NAALADL2: variants seen among roughly 807,000 people sequenced by gnomAD.
NAALADL2 encodes the protein inactive N-acetylated-alpha-linked acidic dipeptidase-like protein 2.
A neutral mutation model predicts 87.2 loss-of-function variants in NAALADL2; 76 were observed. That is an observed-to-expected ratio of 0.87 (90% CI 0.72 to 1.05). NAALADL2 has a LOEUF of 1.05. Among genes scored for constraint, NAALADL2 ranks in the 50% least tolerant of loss-of-function variants. NAALADL2 has a pLI of 0.00. For missense variants in NAALADL2, 1,089 were observed against 945.8 expected (o/e 1.15, Z -1.99); for synonymous variants, 354 against 331.0 (o/e 1.07, Z -0.75).
chr3:175,528,546 A>G (rs539116340), intron 9 of NAALADL2, among the ~76,000 whole-genome samples: 2 of 152,018 alleles, frequency 1.3e-5, no homozygotes, highest in African/African-American at 4.8e-5. Context: ...CTTCAATCCA[A>G]TCAAGTTGAC....
At chr3:174,557,949 C>A (rs1713056668) in intron 2 of NAALADL2, among the ~76,000 whole-genome samples, 2 of 152,140 alleles carry the variant, frequency 1.3e-5, no homozygotes. Context: ...GAAATGTTAA[C>A]CAGTGAAACT....
At chr3:175,276,297 ATTTTTTT>A (rs10645974) in intron 4 of NAALADL2, among the ~76,000 whole-genome samples, 4 of 133,570 alleles carry the variant, frequency 3.0e-5, no homozygotes, top group African/African-American at 1.1e-4. Flanking sequence ...CGCTTTGCAA[ATTTTTTT>A]TTTTTTTTTT....
At chr3:175,387,665 A>G (rs377067430) in intron 5 of NAALADL2, among the ~76,000 whole-genome samples, 44 of 152,250 alleles carry the variant, frequency 2.9e-4, no homozygotes, top group African/African-American at 1.1e-3. Context: ...AGATTTGTTG[A>G]ATATACTAAA....
At chr3:175,622,473 A>G (rs1199786908) in intron 10 of NAALADL2, among the ~76,000 whole-genome samples, 1 of 152,068 alleles carries the variant, frequency 6.6e-6, no homozygotes, top group African/African-American at 2.4e-5. Flanking sequence ...TGCAATTTCT[A>G]TAGTGTTCTC....
At chr3:174,682,553 C>T (rs1327724464) in intron 2 of NAALADL2, among the ~76,000 whole-genome samples, 1 of 152,190 alleles carries the variant, frequency 6.6e-6, no homozygotes, top group African/African-American at 2.4e-5. Context: ...CATCTCAGCA[C>T]AGAGAGACTG....
At chr3:175,035,399 G>C (rs1179912011) in intron 1 of NAALADL2, among the ~76,000 whole-genome samples, 1 of 152,096 alleles carries the variant, frequency 6.6e-6, no homozygotes, top group Non-Finnish European at 1.5e-5. Flanking sequence ...AGCAGGTCAG[G>C]GTGCCATCAG....
rs541209696 is a variant in NAALADL2, at chr3:175,723,618, A to G, written c.1897-13688A>G. ...TCTCCAGGTTAATTTATTAGTAATC[A>G]CGGTGTTTCTCTAAAAAAATCTAAT... is the stretch of plus-strand genomic sequence containing the variant. On this transcript the variant is annotated intron_variant, in intron 11 of 13. Coordinates refer to ENST00000454872, the MANE Select transcript of NAALADL2 (RefSeq NM_207015.3). Among the ~76,000 whole-genome samples the G allele has an allele frequency of 1.9e-4, 29 of 152,262 alleles. 1 individual carries two copies. In the South Asian group the frequency reaches 5.8e-3, roughly 31 times the overall value.
intron 10 of NAALADL2, among the ~76,000 whole-genome samples, chr3:175,621,355 G>A (rs1056593236): frequency 6.6e-6 from 1 of 152,208 alleles, no homozygotes; most frequent in African/African-American, 2.4e-5. Context: ...CCTTTGCAAT[G>A]TAATGTTACC....
At chr3:175,413,427 C>T (rs949299304) in intron 5 of NAALADL2, among the ~76,000 whole-genome samples, 3 of 151,016 alleles carry the variant, frequency 2.0e-5, no homozygotes, top group Non-Finnish European at 3.0e-5. Context: ...AAAAATTGGC[C>T]GGGCATGGTA....
At chr3:174,973,627 G>A (rs892516105) in intron 1 of NAALADL2, among the ~76,000 whole-genome samples, 7 of 152,118 alleles carry the variant, frequency 4.6e-5, no homozygotes, top group Non-Finnish European at 7.3e-5. Context: ...AGGCAGTTCC[G>A]TCATTGTGCA....
At chr3:175,531,463 G>A (rs1734078796) in intron 9 of NAALADL2, among the ~76,000 whole-genome samples, 1 of 152,184 alleles carries the variant, frequency 6.6e-6, no homozygotes, top group Non-Finnish European at 1.5e-5. Context: ...TGGTGTGTTT[G>A]CTGCTTCTTG....
At chr3:174,727,396 A>G (rs1341131711) in intron 2 of NAALADL2, among the ~76,000 whole-genome samples, 1 of 151,990 alleles carries the variant, frequency 6.6e-6, no homozygotes, top group Non-Finnish European at 1.5e-5. Context: ...AATTGAACAC[A>G]TATTGCTAAT....
At chr3:175,654,234 T>C (rs1297589199) in intron 11 of NAALADL2, among the ~76,000 whole-genome samples, 1 of 152,192 alleles carries the variant, frequency 6.6e-6, no homozygotes, top group Non-Finnish European at 1.5e-5. Context: ...AGTGTTTTTG[T>C]GGCATTTTCT....
intron 10 of NAALADL2, chr3:175,581,165 G>T (rs62284484): frequency 5.2e-6 from 2 of 386,920 alleles, no homozygotes; most frequent in Non-Finnish European, 1.1e-5. Context: ...GAATAGGCCG[G>T]ACGCGGTGGC....
At chr3:175,233,817 A>T (rs576014772) in intron 2 of NAALADL2, 114 bp from the exon 3 acceptor site, 3 of 645,224 alleles carry the variant, frequency 4.6e-6, no homozygotes, top group African/African-American at 3.7e-5. Context: ...TGTCTCATTC[A>T]TCTTTCAATA....
intron 2 of NAALADL2, among the ~76,000 whole-genome samples, chr3:174,565,680 G>A (rs375808755): frequency 3.3e-5 from 5 of 151,950 alleles, no homozygotes; most frequent in African/African-American, 1.2e-4. Context: ...ACTCATTTGG[G>A]GTGAATGCTA....
intron 1 of NAALADL2, among the ~76,000 whole-genome samples, chr3:175,032,432 A>G (rs562487860): frequency 6.6e-6 from 1 of 152,178 alleles, no homozygotes; most frequent in South Asian, 2.1e-4. Context: ...TATATTGCTC[A>G]TTGTTTATTA....
At chr3:175,551,611 C>A (rs961007051) in intron 9 of NAALADL2, among the ~76,000 whole-genome samples, 1 of 152,142 alleles carries the variant, frequency 6.6e-6, no homozygotes, top group African/African-American at 2.4e-5. Context: ...AAAGTTCACA[C>A]AAGAGGGGCC....
At chr3:175,085,025 A>T (rs1352389203) in intron 1 of NAALADL2, among the ~76,000 whole-genome samples, 1 of 152,188 alleles carries the variant, frequency 6.6e-6, no homozygotes, top group Non-Finnish European at 1.5e-5. Context: ...GGAAAAGGTC[A>T]TACTACAAAA....
Sources: gnomAD v4.1 joint callset for allele counts (sites outside exome capture counted in the v4.1 genomes callset) on GRCh38, gnomAD v4.1.1 for gene constraint, MANE v1.5 for transcripts, NCBI Gene and HGNC (gene_info 2026-07-23, HGNC 2026-07-21) for gene names.